Variants in SPATA13 observed in about 807,000 individuals in gnomAD.
SPATA13 encodes the protein spermatogenesis-associated protein 13.
A neutral mutation model predicts 104.0 loss-of-function variants in SPATA13; 50 were observed. That is an observed-to-expected ratio of 0.48 (90% CI 0.38 to 0.61). SPATA13 has a LOEUF of 0.61. SPATA13 is among the 20% of genes least tolerant of loss of function. SPATA13 has a pLI of 0.00. For synonymous variants in SPATA13, 606 were observed against 667.5 expected, an observed-to-expected ratio of 0.91 and a Z score of 1.42; for missense variants, 1,524 against 1,690.6, an observed-to-expected ratio of 0.90 and a Z score of 1.73.
chr13:24,297,265 C>A, intron 10 of SPATA13, 98 bp from the exon 11 acceptor site: 1 of 1,435,484 alleles, frequency 7.0e-7, no homozygotes, highest in Non-Finnish European at 9.3e-7. Flanking sequence ...GTCTCAAACT[C>A]TTGGCCTCAA....
At chr13:24,146,863 C>T (rs1360201016) in intron 3 of SPATA13, among the ~76,000 whole-genome samples, 1 of 151,940 alleles carries the variant, frequency 6.6e-6, no homozygotes, top group Non-Finnish European at 1.5e-5. Context: ...CGTCCCCGCC[C>T]CACCCCTCCC....
At chr13:24,140,068 CAAA>C (rs542732994) in intron 3 of SPATA13, among the ~76,000 whole-genome samples, 12 of 85,900 alleles carry the variant, frequency 1.4e-4, no homozygotes, top group Admixed American at 2.4e-4. Context: ...GACTCCGTCT[CAAA>C]AAAAAAAAAA....
intron 3 of SPATA13, among the ~76,000 whole-genome samples, chr13:24,093,495 A>G (rs188562585): frequency 6.6e-6 from 1 of 152,322 alleles, no homozygotes; most frequent in East Asian, 1.9e-4. Flanking sequence ...AAATGGTCCC[A>G]ATACAGATGC....
intron 1 of SPATA13, among the ~76,000 whole-genome samples, chr13:24,171,542 C>G (rs935824389): frequency 2.6e-5 from 4 of 152,212 alleles, no homozygotes; most frequent in African/African-American, 9.6e-5. Flanking sequence ...GCATACAGGG[C>G]TGATAATTAC....
chr13:24,001,368 A>G (rs576960972), intron 2 of SPATA13, among the ~76,000 whole-genome samples: 1 of 151,572 alleles, frequency 6.6e-6, no homozygotes, highest in Admixed American at 6.6e-5. Context: ...AGGTTGGGGG[A>G]GTGTCTGGGG....
intron 3 of SPATA13, among the ~76,000 whole-genome samples, chr13:24,112,780 C>A (rs992677313): frequency 2.6e-5 from 4 of 152,202 alleles, no homozygotes; most frequent in African/African-American, 9.7e-5. Flanking sequence ...TTCTGTAAGA[C>A]CTTCCATGTC....
intron 4 of SPATA13, among the ~76,000 whole-genome samples, chr13:24,268,124 G>C (rs780959563): frequency 2.6e-5 from 4 of 152,196 alleles, no homozygotes; most frequent in Non-Finnish European, 5.9e-5. Context: ...AGCCAAATAC[G>C]ATTGTTAAAT....
chr13:24,188,417 G>A (rs1007908435), intron 1 of SPATA13, among the ~76,000 whole-genome samples: 1 of 152,080 alleles, frequency 6.6e-6, no homozygotes, highest in Non-Finnish European at 1.5e-5. Flanking sequence ...CTGATATTGA[G>A]AAAGTTTTAG....
At chr13:24,115,229 C>T (rs1214471837) in intron 3 of SPATA13, among the ~76,000 whole-genome samples, 1 of 152,192 alleles carries the variant, frequency 6.6e-6, no homozygotes, top group Non-Finnish European at 1.5e-5. Context: ...TTCCAGGTGC[C>T]TCTCACAGCA....
At chr13:24,037,542 G>C (rs1002101269) in intron 3 of SPATA13, among the ~76,000 whole-genome samples, 17 of 31,290 alleles carry the variant, frequency 5.4e-4, no homozygotes, top group Non-Finnish European at 1.7e-3. Context: ...TGAGTAGCTG[G>C]GACTACAGGT....
rs1880952947 is a variant in SPATA13 at position 24,119,123 on chromosome 13, G to A, written c.-112+101422G>A. ...AAGGTTTTACCATGTTAGCCAGGAT[G>A]GTCTCGATCTCCTGACCTTGTGATC... On this transcript the variant is annotated intron_variant, in intron 3 of 14. Coordinates refer to the SPATA13 transcript ENST00000424834. Among the ~76,000 whole-genome samples the A allele has an allele frequency of 2.0e-5, 3 of 152,022 alleles. No homozygotes were observed. In the East Asian group the frequency reaches 5.8e-4, roughly 29 times the overall value.
chr13:24,047,829 A>G (rs1878205148), intron 3 of SPATA13, among the ~76,000 whole-genome samples: 2 of 152,346 alleles, frequency 1.3e-5, no homozygotes, highest in South Asian at 4.1e-4. Context: ...GAGGCTGAGA[A>G]GCACAGGATC....
chr13:24,035,351 G>T (rs555662398), intron 3 of SPATA13, among the ~76,000 whole-genome samples: 6 of 152,240 alleles, frequency 3.9e-5, no homozygotes, highest in Non-Finnish European at 7.4e-5. Flanking sequence ...GACAGGTTTT[G>T]CCATGTGGGC....
intron 2 of SPATA13, among the ~76,000 whole-genome samples, chr13:24,232,409 A>G (rs866482859): frequency 4.6e-5 from 7 of 152,342 alleles, no homozygotes; most frequent in Middle Eastern, 3.4e-3. Context: ...TTTTCTGGAA[A>G]CACCCTCACA....
intron 4 of SPATA13, among the ~76,000 whole-genome samples, chr13:24,266,325 C>T (rs898885071): frequency 2.0e-5 from 3 of 152,184 alleles, no homozygotes; most frequent in Admixed American, 6.5e-5. Flanking sequence ...TGCTCTGTCA[C>T]CCAGGCTGGA....
At chr13:24,167,348 C>A (rs149012053) in intron 1 of SPATA13, among the ~76,000 whole-genome samples, 1 of 152,250 alleles carries the variant, frequency 6.6e-6, no homozygotes, top group Non-Finnish European at 1.5e-5. Context: ...GTGGTCCTCT[C>A]CTTTGGTCTG....
In SPATA13 at chr13:24,149,521, G is replaced by A. The variant is rs191851411; in HGVS notation, c.-111-73298G>A. On this transcript the variant is annotated intron_variant, in intron 3 of 14. Transcript: ENST00000424834. ...GTGGACTCTGAAGAGACAATCCCTG[G>A]TTGACTCTAGTGTTCATTAGAGGAG... Among the ~76,000 whole-genome samples, 1,235 of 152,306 alleles carry A rather than the reference G, an allele frequency of 8.1e-3. 53 individuals carry two copies. The highest frequency in any genetic ancestry group is 0.075 in the Admixed American group (1,143 of 15,304).
intron 1 of SPATA13, among the ~76,000 whole-genome samples, chr13:24,184,598 T>A (rs1217239796): frequency 1.3e-5 from 2 of 152,246 alleles, no homozygotes; most frequent in Non-Finnish European, 1.5e-5. Flanking sequence ...TAATTGTTGT[T>A]ATCCATTAAC....
At chr13:24,139,359 C>T (rs976440119) in intron 3 of SPATA13, among the ~76,000 whole-genome samples, 2 of 152,154 alleles carry the variant, frequency 1.3e-5, no homozygotes, top group Non-Finnish European at 2.9e-5. Flanking sequence ...CAGCTTACCT[C>T]GTAGTGGGGG....
Sources: gnomAD v4.1 joint callset for allele counts (sites outside exome capture counted in the v4.1 genomes callset) on GRCh38, gnomAD v4.1.1 for gene constraint, MANE v1.5 for transcripts, NCBI Gene and HGNC (gene_info 2026-07-23, HGNC 2026-07-21) for gene names.